ARHGAP44: variants seen among roughly 807,000 people sequenced by gnomAD.
The protein encoded by ARHGAP44 is Rho GTPase activating protein 44.
Under a neutral mutation model 106.8 loss-of-function variants are expected in ARHGAP44, and 43 were observed. The ratio of observed to expected loss-of-function variants is 0.40; its 90% CI spans 0.32 to 0.52. The LOEUF (loss-of-function observed/expected upper bound fraction) is 0.52, where lower values mean the gene tolerates loss of function less well. Ranked by LOEUF, ARHGAP44 falls within the 20% of genes least tolerant of loss-of-function variation. ARHGAP44 has a pLI of 0.48. For missense variants in ARHGAP44, 866 were observed against 1,050.5 expected, an observed-to-expected ratio of 0.82 and a Z score of 2.43; for synonymous variants, 439 against 410.3, an observed-to-expected ratio of 1.07 and a Z score of -0.85.
At chr17:12,962,325 TC>T (rs951095910) in intron 16 of ARHGAP44, among the ~76,000 whole-genome samples, 5 of 152,196 alleles carry the variant, frequency 3.3e-5, no homozygotes, top group African/African-American at 1.2e-4. Flanking sequence ...AAGCTGGGTT[TC>T]TTTAGCAGGG....
rs1243329355 is a variant in ARHGAP44 at position 12,990,151 on chromosome 17, T to C, written c.2437T>C (p.Ser813Pro). ...VTDKRDSEEE[S>P]ESTAL ...TGACAAGAGGGACTCGGAGGAGGAGTCTGAGAGCACCGCCCTCTGACATGA... is the reference window on the plus strand; with the variant it reads ...TGACAAGAGGGACTCGGAGGAGGAGCCTGAGAGCACCGCCCTCTGACATGA... The change falls in exon 21 of 21, where the codon TCT becomes CCT. Residue 813 changes from serine (S) to proline (P), a missense_variant. Transcript: ENST00000379672. 2 of 1,612,352 alleles carry C rather than the reference T, an allele frequency of 1.2e-6. No individual in the cohort carries two copies.
intron 16 of ARHGAP44, among the ~76,000 whole-genome samples, chr17:12,967,884 A>T (rs1204476450): frequency 6.6e-6 from 1 of 152,126 alleles, no homozygotes; most frequent in East Asian, 1.9e-4. Flanking sequence ...GAAAGTCATA[A>T]CCCTATAAAT....
At chr17:12,944,764 C>T (rs1182681228) in intron 10 of ARHGAP44, among the ~76,000 whole-genome samples, 1 of 151,696 alleles carries the variant, frequency 6.6e-6, no homozygotes, top group African/African-American at 2.4e-5. Flanking sequence ...GCTGGGATTA[C>T]AGGCGTGAGC....
intron 3 of ARHGAP44, among the ~76,000 whole-genome samples, chr17:12,902,282 C>T (rs1263560296): frequency 6.6e-6 from 1 of 152,124 alleles, no homozygotes; most frequent in African/African-American, 2.4e-5. Flanking sequence ...GGCCATTGTG[C>T]TTGCTCTATC....
intron 1 of ARHGAP44, among the ~76,000 whole-genome samples, chr17:12,834,388 T>C (rs1268638651): frequency 3.9e-5 from 6 of 152,192 alleles, no homozygotes; most frequent in Non-Finnish European, 7.3e-5. Flanking sequence ...TTTTTAAATA[T>C]TGGAAAGCTA....
At chr17:12,926,186 G>A (rs188019319) in intron 6 of ARHGAP44, among the ~76,000 whole-genome samples, 21 of 151,816 alleles carry the variant, frequency 1.4e-4, no homozygotes, top group Middle Eastern at 3.4e-3. Context: ...CCAACATGGC[G>A]AAACCCCGTC....
intron 4 of ARHGAP44, among the ~76,000 whole-genome samples, chr17:12,913,967 T>TTAAAAA (rs2037821958): frequency 7.9e-5 from 1 of 12,720 alleles, no homozygotes; most frequent in Non-Finnish European, 1.9e-4. Flanking sequence ...AGATTTTGTC[T>TTAAAAA]CAAAAAAAAA....
chr17:12,915,386 C>G (rs1258683522), intron 4 of ARHGAP44, among the ~76,000 whole-genome samples: 1 of 152,170 alleles, frequency 6.6e-6, no homozygotes, highest in Non-Finnish European at 1.5e-5. Flanking sequence ...GATGGCATGA[C>G]TTTCTACTCA....
At chr17:12,805,498 A>G (rs2034246401) in intron 1 of ARHGAP44, among the ~76,000 whole-genome samples, 2 of 152,186 alleles carry the variant, frequency 1.3e-5, no homozygotes, top group African/African-American at 4.8e-5. Flanking sequence ...CATAATCTCC[A>G]AGATTTTTCT....
intron 17 of ARHGAP44, 168 bp from the exon 18 acceptor site, chr17:12,973,921 G>A (rs1372592782): frequency 4.0e-6 from 3 of 741,272 alleles, no homozygotes; most frequent in East Asian, 5.5e-5. Flanking sequence ...GCCGGGAGCA[G>A]CCAGGGTGCT....
chr17:12,879,702 T>TAC (rs151155255), intron 1 of ARHGAP44, among the ~76,000 whole-genome samples: 118,832 of 146,288 alleles, frequency 0.81, 48,453 homozygotes, highest in South Asian at 0.87. Context: ...TATATACACA[T>TAC]ACACACACAC....
intron 20 of ARHGAP44, chr17:12,987,525 C>T: frequency 5.8e-6 from 1 of 173,330 alleles, no homozygotes; most frequent in Non-Finnish European, 1.2e-5. Context: ...GACGCTTGTG[C>T]CCAGCACCCT....
chr17:12,858,333 A>G (rs1285175443), intron 1 of ARHGAP44, among the ~76,000 whole-genome samples: 1 of 152,028 alleles, frequency 6.6e-6, no homozygotes, highest in Non-Finnish European at 1.5e-5. Context: ...ACTCACTGTC[A>G]CCTCAGTTAC....
At chr17:12,894,237 AGAGAGTGT>A (rs2037134467) in intron 1 of ARHGAP44, among the ~76,000 whole-genome samples, 2 of 145,520 alleles carry the variant, frequency 1.4e-5, no homozygotes, top group African/African-American at 5.2e-5. Flanking sequence ...TGAGAGAGAG[AGAGAGTGT>A]GTGTGTGTGT....
chr17:12,821,229 G>T (rs1025746243), intron 1 of ARHGAP44, among the ~76,000 whole-genome samples: 4 of 152,140 alleles, frequency 2.6e-5, no homozygotes, highest in Non-Finnish European at 2.9e-5. Context: ...AAACAAAAAC[G>T]TGGGCATGGG....
chr17:12,903,112 GAGAGAGAGAGAGAGGA>G (rs750796560), intron 3 of ARHGAP44, among the ~76,000 whole-genome samples: 9 of 101,210 alleles, frequency 8.9e-5, no homozygotes, highest in African/African-American at 1.4e-4. Context: ...GAGAGAGAGA[GAGAGAGAGAGAGAGGA>G]GAGAGAGAGA....
At chr17:12,890,219 ACTCTTGTGACATGT>A (rs2037002097) in intron 1 of ARHGAP44, among the ~76,000 whole-genome samples, 2 of 151,670 alleles carry the variant, frequency 1.3e-5, no homozygotes, top group South Asian at 2.1e-4. Context: ...TGGTGGTTCC[ACTCTTGTGACATGT>A]CTCTTGTGAC....
At chr17:12,823,172 A>T (rs1300383128) in intron 1 of ARHGAP44, among the ~76,000 whole-genome samples, 1 of 152,096 alleles carries the variant, frequency 6.6e-6, no homozygotes, top group Non-Finnish European at 1.5e-5. Context: ...ACTTCTAATC[A>T]ACTTGGTAAC....
At chr17:12,825,632 G>T (rs1168663053) in intron 1 of ARHGAP44, among the ~76,000 whole-genome samples, 1 of 152,068 alleles carries the variant, frequency 6.6e-6, no homozygotes, top group Admixed American at 6.6e-5. Flanking sequence ...CAACTGATTT[G>T]ATGAGGCCCA....
Sources: gnomAD v4.1 joint callset for allele counts (sites outside exome capture counted in the v4.1 genomes callset) on GRCh38, gnomAD v4.1.1 for gene constraint, MANE v1.5 for transcripts, NCBI Gene and HGNC (gene_info 2026-07-23, HGNC 2026-07-21) for gene names.